The following XKR9 variants were observed in gnomAD, a reference collection of about 807,000 sequenced individuals.
The protein encoded by XKR9 is XK related 9.
Under a neutral mutation model 32.0 loss-of-function variants are expected in XKR9, and 32 were observed. The observed-to-expected ratio is 1.00, with a 90% CI of 0.76 to 1.34. The LOEUF (loss-of-function observed/expected upper bound fraction) is 1.34. XKR9 is among the 40% of genes most tolerant of loss of function. The probability of loss-of-function intolerance (pLI) is 0.00; values close to 1 mark genes in which losing one functional copy is unlikely to be tolerated. For synonymous variants in XKR9, 168 were observed against 143.4 expected, an observed-to-expected ratio of 1.17 and a Z score of -1.22; for missense variants, 546 against 429.7, an observed-to-expected ratio of 1.27 and a Z score of -2.39.
At chr8:71,025,632 T>C in the XKR9 span, among the ~76,000 whole-genome samples, 1 of 152,304 alleles carries the variant, frequency 6.6e-6, no homozygotes, top group East Asian at 1.9e-4. Flanking sequence ...TGTCCAAGGC[T>C]CCCTGATGGA....
chr8:70,721,904 G>A (rs578099060), intron 4 of XKR9, among the ~76,000 whole-genome samples: 2 of 152,212 alleles, frequency 1.3e-5, no homozygotes, highest in South Asian at 2.1e-4. Flanking sequence ...GGGGTATAAA[G>A]TCTCCCACTG....
intron 4 of XKR9, among the ~76,000 whole-genome samples, chr8:70,717,180 TC>T (rs1201075933): frequency 6.6e-6 from 1 of 152,198 alleles, no homozygotes; most frequent in Non-Finnish European, 1.5e-5. Flanking sequence ...TCTGTGGTTT[TC>T]CCAGGTGCAC....
the XKR9 span, among the ~76,000 whole-genome samples, chr8:70,962,087 A>C: frequency 3.9e-5 from 6 of 152,156 alleles, no homozygotes; most frequent in Non-Finnish European, 8.8e-5. Context: ...TCTAGAGTGA[A>C]TCTTTTGATG....
At chr8:70,894,264 C>T in the XKR9 span, among the ~76,000 whole-genome samples, 1 of 151,598 alleles carries the variant, frequency 6.6e-6, no homozygotes, top group Non-Finnish European at 1.5e-5. Flanking sequence ...ACAGCAAGTA[C>T]CCCAAAATGG....
At chr8:71,049,465 C>A in the XKR9 span, among the ~76,000 whole-genome samples, 3 of 152,148 alleles carry the variant, frequency 2.0e-5, no homozygotes, top group African/African-American at 7.2e-5. Context: ...GCAGCACCTG[C>A]CTTTGAGGAA....
At chr8:70,972,654 C>G in the XKR9 span, among the ~76,000 whole-genome samples, 1 of 152,112 alleles carries the variant, frequency 6.6e-6, no homozygotes, top group Non-Finnish European at 1.5e-5. Context: ...GCCAATTTTA[C>G]TGAGGGTTTT....
At chr8:71,039,309 A>G in the XKR9 span, among the ~76,000 whole-genome samples, 1 of 152,214 alleles carries the variant, frequency 6.6e-6, no homozygotes, top group Admixed American at 6.5e-5. Flanking sequence ...CATTTAATGC[A>G]CCTAATGTCC....
chr8:70,945,824 C>T, the XKR9 span, among the ~76,000 whole-genome samples: 1 of 152,176 alleles, frequency 6.6e-6, no homozygotes, highest in Non-Finnish European at 1.5e-5. Flanking sequence ...CATTGACTTA[C>T]AGACTTACTA....
chr8:70,816,418 A>G, the XKR9 span, among the ~76,000 whole-genome samples: 4 of 152,306 alleles, frequency 2.6e-5, no homozygotes, highest in African/African-American at 7.2e-5. Context: ...AAATTATTAT[A>G]TGAAAAATAT....
intron 2 of XKR9, among the ~76,000 whole-genome samples, chr8:70,778,424 A>G (rs909299511): frequency 6.6e-6 from 1 of 152,132 alleles, no homozygotes; most frequent in Non-Finnish European, 1.5e-5. Flanking sequence ...TGTCTTGTCT[A>G]TGTGAGCTCT....
the XKR9 span, among the ~76,000 whole-genome samples, chr8:70,925,688 A>C: frequency 6.6e-6 from 1 of 152,196 alleles, no homozygotes; most frequent in African/African-American, 2.4e-5. Flanking sequence ...TAAGAGGAGG[A>C]TAAACAAAGC....
chr8:70,923,258 T>A, the XKR9 span, among the ~76,000 whole-genome samples: 1 of 152,264 alleles, frequency 6.6e-6, no homozygotes, highest in Non-Finnish European at 1.5e-5. Flanking sequence ...ATATGAACAA[T>A]GCTTGTTTCC....
chr8:70,950,539 G>T, the XKR9 span, among the ~76,000 whole-genome samples: 1 of 152,158 alleles, frequency 6.6e-6, no homozygotes, highest in South Asian at 2.1e-4. Flanking sequence ...CCATGGGCAG[G>T]TGACAGGACC....
chr8:70,841,525 T>A, the XKR9 span, among the ~76,000 whole-genome samples: 1 of 152,202 alleles, frequency 6.6e-6, no homozygotes, highest in African/African-American at 2.4e-5. Flanking sequence ...CATTGCCTCA[T>A]TGATGTCCCT....
intron 2 of XKR9, among the ~76,000 whole-genome samples, chr8:70,741,291 CT>C (rs1277557091): frequency 6.6e-6 from 1 of 152,178 alleles, no homozygotes; most frequent in African/African-American, 2.4e-5. Context: ...GAGACCTGAG[CT>C]AGCACACTCT....
At chr8:70,796,783 G>A in the XKR9 span, among the ~76,000 whole-genome samples, 2 of 152,100 alleles carry the variant, frequency 1.3e-5, no homozygotes, top group Non-Finnish European at 2.9e-5. Flanking sequence ...ATACTGCTAG[G>A]CCTAGCACAT....
the XKR9 span, among the ~76,000 whole-genome samples, chr8:70,920,940 A>G: frequency 6.6e-6 from 1 of 152,182 alleles, no homozygotes; most frequent in Non-Finnish European, 1.5e-5. Flanking sequence ...GGTATGAGAT[A>G]AACCAGTGAG....
At chr8:70,810,969 C>A in the XKR9 span, among the ~76,000 whole-genome samples, 1 of 152,178 alleles carries the variant, frequency 6.6e-6, no homozygotes, top group Non-Finnish European at 1.5e-5. Flanking sequence ...GCCTCCACCC[C>A]AAATCAACAG....
the XKR9 span, among the ~76,000 whole-genome samples, chr8:71,048,259 TTC>T: frequency 6.6e-6 from 1 of 152,318 alleles, no homozygotes; most frequent in East Asian, 1.9e-4. Flanking sequence ...AAAAGTGCAT[TTC>T]TCTCTTTCTC....
Sources: gnomAD v4.1 joint callset for allele counts (sites outside exome capture counted in the v4.1 genomes callset) on GRCh38, gnomAD v4.1.1 for gene constraint, MANE v1.5 for transcripts, NCBI Gene and HGNC (gene_info 2026-07-23, HGNC 2026-07-21) for gene names.